AMPH: variants seen among roughly 807,000 people sequenced by gnomAD.
AMPH encodes the protein amphiphysin (Stiff-Mann syndrome with breast cancer 128kD autoantigen).
A neutral mutation model predicts 99.1 loss-of-function variants in AMPH; 49 were observed. The observed-to-expected ratio is 0.49, with a 90% CI of 0.39 to 0.63. The LOEUF (loss-of-function observed/expected upper bound fraction) is 0.63. Among genes scored for constraint, AMPH ranks in the 20% least tolerant of loss-of-function variants. The probability of loss-of-function intolerance (pLI) is 0.00; values close to 1 mark genes in which losing one functional copy is unlikely to be tolerated. For synonymous variants in AMPH, 314 were observed against 317.3 expected (o/e 0.99, Z 0.11); for missense variants, 759 against 863.4 (o/e 0.88, Z 1.52).
At position 38,461,147 on chromosome 7, in the gene AMPH, T is replaced by C; in HGVS notation, c.1017+136A>G. ...GTAAGAATGCTTCAGACTAACCAAG[T>C]AATTAAAACAAGCCTGAATGACAAT... is the stretch of plus-strand genomic sequence containing the variant. On this transcript the variant is annotated intron_variant, in intron 11 of 20. Transcript: ENST00000356264. The C allele has an allele frequency of 5.0e-6, 5 of 992,440 alleles. No homozygotes were observed. In the Admixed American group the frequency reaches 1.1e-4, roughly 23 times the overall value. 61.5% of individuals were successfully genotyped at this position (992,440 alleles called of 1,614,324 possible). A position where few individuals can be genotyped will look rare whatever the true frequency, so the allele number is the denominator to read the frequency against.
intron 11 of AMPH, among the ~76,000 whole-genome samples, chr7:38,437,318 G>C (rs1185715987): frequency 1.3e-5 from 2 of 152,006 alleles, no homozygotes; most frequent in Non-Finnish European, 2.9e-5. Context: ...AATTACATGT[G>C]TTTAGCATTC....
At chr7:38,457,786 G>A (rs994629528) in intron 11 of AMPH, among the ~76,000 whole-genome samples, 20 of 152,264 alleles carry the variant, frequency 1.3e-4, no homozygotes, top group Admixed American at 2.0e-4. Context: ...AAAAATAAAA[G>A]ACAGAATCCT....
intron 1 of AMPH, among the ~76,000 whole-genome samples, chr7:38,537,860 G>T (rs1313203578): frequency 6.6e-6 from 1 of 152,128 alleles, no homozygotes; most frequent in African/African-American, 2.4e-5. Flanking sequence ...TCTCAAAAAG[G>T]CAAAGATAGT....
intron 1 of AMPH, among the ~76,000 whole-genome samples, chr7:38,625,564 C>T (rs1233979111): frequency 6.6e-6 from 1 of 152,060 alleles, no homozygotes; most frequent in Non-Finnish European, 1.5e-5. Context: ...TATAAGATGT[C>T]CACCTGATAA....
At chr7:38,540,213 A>C (rs1790758554) in intron 1 of AMPH, among the ~76,000 whole-genome samples, 1 of 152,228 alleles carries the variant, frequency 6.6e-6, no homozygotes. Flanking sequence ...TTCTTCAAAG[A>C]CAATTTCATC....
chr7:38,576,484 G>A (rs539551375), intron 1 of AMPH, among the ~76,000 whole-genome samples: 215 of 152,006 alleles, frequency 1.4e-3, no homozygotes, highest in Admixed American at 2.8e-3. Context: ...TTAGCCACCC[G>A]AGAATTCCTA....
chr7:38,430,488 C>T (rs1157688536), intron 13 of AMPH, among the ~76,000 whole-genome samples: 3 of 152,184 alleles, frequency 2.0e-5, no homozygotes, highest in South Asian at 2.1e-4. Flanking sequence ...ATTTTGATAT[C>T]GCTACCATTC....
At chr7:38,582,247 T>C (rs1342015816) in intron 1 of AMPH, among the ~76,000 whole-genome samples, 1 of 152,150 alleles carries the variant, frequency 6.6e-6, no homozygotes, top group Non-Finnish European at 1.5e-5. Flanking sequence ...AATGATATAT[T>C]GTGCCAAATA....
In AMPH at chr7:38,570,944, T is replaced by TA. The variant is rs1491474787; in HGVS notation, c.70-35934_70-35933insT. ...AAAAAAATTTATATATATATATATA[T>TA]TTATATATATAGAATATATATATAG... is the stretch of plus-strand genomic sequence containing the variant. On this transcript the variant is annotated intron_variant, in intron 1 of 20. Transcript: ENST00000356264. 7.3e-4 allele frequency among the ~76,000 whole-genome samples: 29 copies of TA among 39,910 alleles called. 2 individuals are homozygous for TA. The highest frequency in any genetic ancestry group is 2.6e-3 in the East Asian group (9 of 3,458). The allele number at this position is 39,910 out of a possible 152,430, so 26.2% of individuals were successfully genotyped here. A position where few individuals can be genotyped will look rare whatever the true frequency, so the allele number is the denominator to read the frequency against.
chr7:38,475,706 A>G (rs1024212614), intron 6 of AMPH, among the ~76,000 whole-genome samples: 2 of 152,230 alleles, frequency 1.3e-5, no homozygotes, highest in African/African-American at 4.8e-5. Context: ...TGCTATGGAT[A>G]CTGAACATGA....
chr7:38,503,303 ACTCTTGGCATGTGGTCTCC>A (rs1789206414), intron 3 of AMPH, among the ~76,000 whole-genome samples: 1 of 151,624 alleles, frequency 6.6e-6, no homozygotes, highest in African/African-American at 2.4e-5. Context: ...TGAGTGCTCC[ACTCTTGGCATGTGGTCTCC>A]CTCAGGAGGT....
At chr7:38,437,634 A>AAAAAAAAAAAG (rs1786323781) in intron 11 of AMPH, among the ~76,000 whole-genome samples, 2 of 32,810 alleles carry the variant, frequency 6.1e-5, no homozygotes, top group African/African-American at 1.9e-4. Flanking sequence ...ACAAAAAAAA[A>AAAAAAAAAAAG]AAAAAAAAAG....
At chr7:38,562,027 G>A (rs1390040609) in intron 1 of AMPH, among the ~76,000 whole-genome samples, 3 of 150,476 alleles carry the variant, frequency 2.0e-5, no homozygotes, top group South Asian at 2.1e-4. Flanking sequence ...TTCCAAAAAC[G>A]GTGGGACTTC....
chr7:38,458,066 T>A (rs981992491), intron 11 of AMPH, among the ~76,000 whole-genome samples: 3 of 152,068 alleles, frequency 2.0e-5, no homozygotes, highest in African/African-American at 7.2e-5. Context: ...ACAAAAAGAT[T>A]GCGGAGGGAT....
intron 1 of AMPH, among the ~76,000 whole-genome samples, chr7:38,577,936 T>C (rs1016002208): frequency 6.6e-6 from 1 of 152,196 alleles, no homozygotes; most frequent in Non-Finnish European, 1.5e-5. Context: ...ACATCCCTCT[T>C]AGCAAATACC....
intron 1 of AMPH, among the ~76,000 whole-genome samples, chr7:38,542,927 C>T (rs1449414723): frequency 6.6e-6 from 1 of 152,098 alleles, no homozygotes; most frequent in African/African-American, 2.4e-5. Flanking sequence ...AACCCTGTCT[C>T]TACTAAAAAT....
At chr7:38,474,574 C>A (rs1788014113) in intron 7 of AMPH, among the ~76,000 whole-genome samples, 3 of 152,004 alleles carry the variant, frequency 2.0e-5, no homozygotes, top group Non-Finnish European at 4.4e-5. Flanking sequence ...GCTTTAGAGG[C>A]AAATCCATCT....
chr7:38,568,594 A>G (rs1378001563), intron 1 of AMPH, among the ~76,000 whole-genome samples: 3 of 152,256 alleles, frequency 2.0e-5, no homozygotes, highest in African/African-American at 4.8e-5. Flanking sequence ...AGGCATTATT[A>G]CGGTTACTAT....
At chr7:38,408,998 T>C (rs13222587) in intron 17 of AMPH, among the ~76,000 whole-genome samples, 4,300 of 152,266 alleles carry the variant, frequency 0.028, 86 homozygotes, top group South Asian at 0.086. Flanking sequence ...TCTGATCCCA[T>C]GGCTGGAAGG....
Sources: allele counts gnomAD v4.1 joint callset (sites outside exome capture counted in the v4.1 genomes callset), GRCh38; gene constraint gnomAD v4.1.1; transcripts MANE v1.5; gene names NCBI Gene and HGNC (gene_info 2026-07-23, HGNC 2026-07-21).